The following TRHDE variants were observed in gnomAD, a reference collection of about 807,000 sequenced individuals.
TRHDE encodes thyrotropin-releasing hormone-degrading ectoenzyme.
Under a neutral mutation model 125.7 loss-of-function variants are expected in TRHDE, and 72 were observed. The observed-to-expected ratio is 0.57, with a 90% CI of 0.47 to 0.70. TRHDE has a LOEUF of 0.70. Among genes scored for constraint, TRHDE ranks in the 30% least tolerant of loss-of-function variants. TRHDE has a pLI of 0.00. For synonymous variants in TRHDE, 509 were observed against 509.1 expected, an observed-to-expected ratio of 1.00 and a Z score of 0.00; for missense variants, 1,110 against 1,327.1, an observed-to-expected ratio of 0.84 and a Z score of 2.54.
intron 2 of TRHDE, among the ~76,000 whole-genome samples, chr12:72,131,266 GT>G (rs1377514513): frequency 6.6e-6 from 1 of 151,612 alleles, no homozygotes; most frequent in Non-Finnish European, 1.5e-5. Flanking sequence ...TAGAGACGGG[GT>G]TTCACCGTGT....
Position 72,122,047 on chromosome 12 carries a change from A to G in TRHDE, n.279+16295A>G, listed in dbSNP as rs572584862. Among the ~76,000 whole-genome samples, 5 of 152,048 alleles carry G rather than the reference A, an allele frequency of 3.3e-5. No homozygotes were observed. The East Asian group carries it at 9.7e-4, about 30-fold the overall frequency. ...TGGTAAAGGATATCTACTATTCTTC[A>G]TGTCACTCACACCAAGAAGGAGGGA... On this transcript the variant is annotated intron_variant and non_coding_transcript_variant, in intron 2 of 4. Coordinates refer to the TRHDE transcript ENST00000548156.
chr12:72,601,636 T>C (rs1872211557), intron 12 of TRHDE, among the ~76,000 whole-genome samples: 1 of 152,124 alleles, frequency 6.6e-6, no homozygotes, highest in African/African-American at 2.4e-5. Context: ...GTCACAGGCA[T>C]ACCAACCTTC....
chr12:72,615,728 C>G (rs1872788733), intron 12 of TRHDE, among the ~76,000 whole-genome samples: 1 of 152,070 alleles, frequency 6.6e-6, no homozygotes, highest in Admixed American at 6.6e-5. Context: ...AGAAGCTTAA[C>G]TGCTGTTAAA....
intron 3 of TRHDE, among the ~76,000 whole-genome samples, chr12:72,381,866 G>A (rs568303234): frequency 6.6e-6 from 1 of 152,266 alleles, no homozygotes; most frequent in East Asian, 1.9e-4. Context: ...TTAACATTTA[G>A]GTGGCACTTT....
At chr12:72,399,616 A>G (rs1435280508) in intron 3 of TRHDE, among the ~76,000 whole-genome samples, 1 of 152,172 alleles carries the variant, frequency 6.6e-6, no homozygotes, top group Non-Finnish European at 1.5e-5. Context: ...GCAAAAGTGA[A>G]AATTTTCACA....
intron 6 of TRHDE, among the ~76,000 whole-genome samples, chr12:72,523,030 A>G (rs1868274006): frequency 6.6e-6 from 1 of 151,786 alleles, no homozygotes; most frequent in Admixed American, 6.6e-5. Flanking sequence ...TAGCTTTGAG[A>G]CCAAATGTTT....
At chr12:72,380,535 G>T (rs1456570157) in intron 3 of TRHDE, among the ~76,000 whole-genome samples, 1 of 152,138 alleles carries the variant, frequency 6.6e-6, no homozygotes, top group Non-Finnish European at 1.5e-5. Context: ...CAGGCAGAGG[G>T]AACAAAGTGC....
At position 72,109,848 on chromosome 12, in the gene TRHDE, T is replaced by C. The variant is rs186225285; in HGVS notation, n.279+4096T>C. On this transcript the variant is annotated intron_variant and non_coding_transcript_variant, in intron 2 of 4. Transcript: ENST00000548156. ...TGCCTGTGGCTGAGCACATTCCCTT[T>C]CTATGAAAATTGGGCTTTACTTAGC... Among the ~76,000 whole-genome samples, 228 of 152,198 alleles carry C rather than the reference T, an allele frequency of 1.5e-3. 4 individuals are homozygous for C. The highest frequency in any genetic ancestry group is 3.7e-4 in the Non-Finnish European group (25 of 67,962).
intron 3 of TRHDE, among the ~76,000 whole-genome samples, chr12:72,409,979 A>C (rs1873426460): frequency 6.6e-6 from 1 of 152,088 alleles, no homozygotes; most frequent in Admixed American, 6.6e-5. Flanking sequence ...GTTATCAATA[A>C]AGCCAAAAAG....
intron 12 of TRHDE, among the ~76,000 whole-genome samples, chr12:72,584,681 C>T (rs1871370554): frequency 6.6e-6 from 1 of 152,118 alleles, no homozygotes; most frequent in African/African-American, 2.4e-5. Flanking sequence ...GCTTATTTCA[C>T]TTAACATAAT....
chr12:72,477,543 A>T (rs1384135581), intron 5 of TRHDE, among the ~76,000 whole-genome samples: 1 of 152,162 alleles, frequency 6.6e-6, no homozygotes, highest in Non-Finnish European at 1.5e-5. Context: ...ATGTTATTTT[A>T]TCAAAGTTGG....
rs1270686872 is a variant in TRHDE, at chr12:72,552,660, C to CT, written c.1789-9504dup. 5.9e-5 allele frequency among the ~76,000 whole-genome samples: 9 copies of CT among 152,122 alleles called. No individual in the cohort carries two copies. The East Asian group carries it at 1.7e-3, about 29-fold the overall frequency. On this transcript the variant is annotated intron_variant, in intron 7 of 18. Transcript: ENST00000261180. The stretch of plus-strand genomic sequence containing the variant: ...GGTGGAGAAGGGTAACGACTGTAAA[C>CT]TGTTCCTTTTGGTAGCCTGTAAATT...
At chr12:72,123,125 A>G (rs1875630809) in intron 2 of TRHDE, among the ~76,000 whole-genome samples, 1 of 152,166 alleles carries the variant, frequency 6.6e-6, no homozygotes, top group African/African-American at 2.4e-5. Context: ...TTGAAACTGG[A>G]GACTTAGCAA....
At position 72,378,027 on chromosome 12, in the gene TRHDE, A is replaced by C. The variant is rs1871973356; in HGVS notation, c.1221A>C (p.Arg407Ser). 6.2e-7 allele frequency: 1 copy of C among 1,603,124 alleles called. No homozygotes were observed. Among genetic ancestry groups the C allele is most frequent in the Non-Finnish European group, 8.5e-7 (1 of 1,174,834 alleles). The change falls in exon 3 of 19, where the codon AGA (arginine) becomes AGC (serine). Residue 407 changes from arginine (R) to serine (S), a missense_variant. This residue lies in a region of TRHDE where 252 missense variants were observed against 274.8 expected (regional missense o/e 0.92). Transcript: ENST00000261180. ...VRLYARPDAI[R>S]RGSGDYALHI... is the part of the protein sequence containing the mutation. ...TATATGCAAGACCTGATGCTATCAG[A>C]AGAGGATCCGGGGACTATGCTCTCC...
chr12:72,299,124 A>T (rs556694424), intron 2 of TRHDE, among the ~76,000 whole-genome samples: 3 of 152,330 alleles, frequency 2.0e-5, no homozygotes, highest in Admixed American at 2.0e-4. Context: ...CAGGAAGATT[A>T]ACCAAGACAT....
At chr12:72,597,400 G>T (rs1429640006) in intron 12 of TRHDE, among the ~76,000 whole-genome samples, 1 of 151,950 alleles carries the variant, frequency 6.6e-6, no homozygotes, top group African/African-American at 2.4e-5. Context: ...AGGCATGGTG[G>T]CTCATGCCTG....
intron 6 of TRHDE, among the ~76,000 whole-genome samples, chr12:72,525,878 T>C (rs1185003665): frequency 6.6e-6 from 1 of 152,120 alleles, no homozygotes; most frequent in Admixed American, 6.6e-5. Context: ...TAATGCCAAA[T>C]AGTAAGGCTT....
In TRHDE at chr12:72,641,507, T is replaced by G. The variant is rs922756540; in HGVS notation, c.2676-10815T>G. Among the ~76,000 whole-genome samples, 8 of 152,326 alleles carry G rather than the reference T, an allele frequency of 5.3e-5. No homozygotes were observed. The East Asian group carries it at 1.5e-3, about 29-fold the overall frequency. ...ACTAAGAACGTACACATTATGTTAT[T>G]TTTGTAAACTTATGCAATGGTATTA... On this transcript the variant is annotated intron_variant, in intron 15 of 18. Transcript: ENST00000261180.
At chr12:72,347,567 C>T (rs1481133753) in intron 2 of TRHDE, among the ~76,000 whole-genome samples, 1 of 151,990 alleles carries the variant, frequency 6.6e-6, no homozygotes, top group Non-Finnish European at 1.5e-5. Flanking sequence ...CATCTCGGTT[C>T]ACCATTGGGG....
Sources: gnomAD v4.1 joint callset for allele counts (sites outside exome capture counted in the v4.1 genomes callset) on GRCh38, gnomAD v4.1.1 for gene constraint, gnomAD v4.1.1 regional missense constraint, MANE v1.5 for transcripts, NCBI Gene and HGNC (gene_info 2026-07-23, HGNC 2026-07-21) for gene names.